NR2E1: variants seen among roughly 807,000 people sequenced by gnomAD.
The protein encoded by NR2E1 is nuclear receptor subfamily 2 group E member 1.
Under a neutral mutation model 43.6 loss-of-function variants are expected in NR2E1, and 5 were observed. The observed-to-expected ratio is 0.11, with a 90% confidence interval of 0.06 to 0.24. The LOEUF (loss-of-function observed/expected upper bound fraction) is 0.24, where lower values mean the gene tolerates loss of function less well. NR2E1 is among the 10% of genes least tolerant of loss of function. NR2E1 has a pLI of 1.00. For synonymous variants in NR2E1, 191 were observed against 195.5 expected (o/e 0.98, Z 0.19); for missense variants, 287 against 496.7 (o/e 0.58, Z 4.01).
chr6:108,173,243 T>C (rs925274639), intron 2 of NR2E1, among the ~76,000 whole-genome samples: 4 of 152,180 alleles, frequency 2.6e-5, no homozygotes, highest in African/African-American at 9.7e-5. Context: ...ACTTAAGAAC[T>C]TATGAAGGTT....
chr6:108,174,744 G>T (rs570604540), intron 2 of NR2E1, 92 bp from the exon 3 acceptor site: 17 of 1,052,196 alleles, frequency 1.6e-5, no homozygotes, highest in Non-Finnish European at 2.5e-5. Flanking sequence ...GGGCAAGGTC[G>T]CGCCTCCACA....
chr6:108,180,966 C>T lies in NR2E1; in HGVS notation c.889+10C>T. Reference sequence around the variant, plus strand: ...GTCACTTTCAAAGCCGGTAAGCAGACACAGACCCCTGTTTCTTCTCCTTCC... The same window carrying T: ...GTCACTTTCAAAGCCGGTAAGCAGATACAGACCCCTGTTTCTTCTCCTTCC... On this transcript the variant is annotated intron_variant, in intron 7 of 8. Transcript: ENST00000368986. The surrounding 1 kb of genome is among the most constrained non-coding windows in gnomAD (Gnocchi z 5.4). 2 of 1,613,956 alleles carry T rather than the reference C, an allele frequency of 1.2e-6. No homozygotes were observed. The highest frequency in any genetic ancestry group is 1.6e-4 in the Middle Eastern group (1 of 6,062).
chr6:108,174,553 G>A (rs1028726524), intron 2 of NR2E1, among the ~76,000 whole-genome samples: 1 of 151,994 alleles, frequency 6.6e-6, no homozygotes, highest in Non-Finnish European at 1.5e-5. Flanking sequence ...TGCCAAACCC[G>A]GCTCTCTAAG....
intron 4 of NR2E1, 96 bp downstream of exon 4, chr6:108,176,834 T>G (rs1383768867): frequency 1.6e-6 from 2 of 1,215,034 alleles, no homozygotes. Flanking sequence ...TCAGGCAAAC[T>G]GGGGAGAGAA....
intron 8 of NR2E1, among the ~76,000 whole-genome samples, chr6:108,183,273 C>T (rs1235081208): frequency 6.6e-6 from 1 of 150,978 alleles, no homozygotes; most frequent in East Asian, 2.0e-4. Flanking sequence ...CCAAGGCAGG[C>T]AGTTCACTTG....
At chr6:108,187,186 G>GTTA (rs1423734454) in intron 8 of NR2E1, 115 bp from the exon 9 acceptor site, 20 of 1,230,076 alleles carry the variant, frequency 1.6e-5, no homozygotes, top group Middle Eastern at 1.9e-4. Flanking sequence ...GGGATACTGT[G>GTTA]TTATTCAAGA....
chr6:108,168,506 G>A (rs994485307), intron 1 of NR2E1, among the ~76,000 whole-genome samples: 4 of 152,252 alleles, frequency 2.6e-5, no homozygotes, highest in Non-Finnish European at 4.4e-5. Context: ...GACTTTGGGG[G>A]AAAAACCACA....
chr6:108,176,828 G>A, intron 4 of NR2E1, 90 bp downstream of exon 4: 3 of 1,262,984 alleles, frequency 2.4e-6, no homozygotes, highest in Middle Eastern at 2.6e-4. Flanking sequence ...TTGGGGTCAG[G>A]CAAACTGGGG....
chr6:108,188,551 A>ACACACACC lies in NR2E1; in HGVS notation c.*1089_*1090insACACACCC, dbSNP rs1260531260. On this transcript the variant is annotated 3_prime_UTR_variant, in exon 9 of 9. Transcript: ENST00000368986. ...CACACACACACACACACACACACAC[A>ACACACACC]CCGTCCTACACTTTAAGCTGCTCCT... 5.5e-5 allele frequency: 8 copies of ACACACACC among 145,490 alleles called. No homozygotes were observed. The highest frequency in any genetic ancestry group is 2.3e-4 in the South Asian group (1 of 4,390). 9.0% of individuals were successfully genotyped at this position (145,490 alleles called of 1,614,324 possible). A position where few individuals can be genotyped will look rare whatever the true frequency, so the allele number is the denominator to read the frequency against.
intron 3 of NR2E1, 153 bp from the exon 4 acceptor site, chr6:108,176,350 C>T (rs1773896708): frequency 1.5e-6 from 1 of 664,440 alleles, no homozygotes. Context: ...GAATCCCTTC[C>T]TCCCTCAGAT....
In NR2E1 at chr6:108,176,590, C is replaced by T. The variant is rs141827562; in HGVS notation, c.347C>T (p.Ala116Val). ...CGTGGACACAAGGAGGAGAACGGGG[C>T]CGCCGCGCACTTTCCCTCGGCGGCG... ...YFRGHKEENG[A>V]AAHFPSAALP... Residue 116 changes from alanine (A) to valine (V), a missense_variant, in exon 4 of 9, where the codon GCC (alanine) becomes GTC (valine). Ala to Val is a moderately conservative substitution (Grantham distance 64). Transcript: ENST00000368986. 2 of 1,612,730 alleles carry T rather than the reference C, an allele frequency of 1.2e-6. No individual in the cohort carries two copies. The highest frequency in any genetic ancestry group is 1.7e-5 in the Admixed American group (1 of 59,994).
chr6:108,170,009 G>A (rs1246932762), intron 1 of NR2E1, among the ~76,000 whole-genome samples: 5 of 130,246 alleles, frequency 3.8e-5, no homozygotes, highest in Non-Finnish European at 6.2e-5. Context: ...CACCTGAGAC[G>A]AGTCTGGGAC....
chr6:108,166,813 T>C lies in NR2E1; in HGVS notation c.25+23T>C. The stretch of plus-strand genomic sequence containing the variant: ...CAAGTGGGTACCTCTCGGGCCGCCG[T>C]GGGGCCTAGGCGCGCAGCCTGGGGC... On this transcript the variant is annotated intron_variant, in intron 1 of 8. Transcript: ENST00000368986. The surrounding 1 kb of genome is among the most constrained non-coding windows in gnomAD (Gnocchi z 7.2). 6.3e-7 allele frequency: 1 copy of C among 1,587,586 alleles called. No homozygotes were observed.
chr6:108,184,723 C>T (rs959200756), intron 8 of NR2E1, among the ~76,000 whole-genome samples: 1 of 151,846 alleles, frequency 6.6e-6, no homozygotes, highest in South Asian at 2.1e-4. Context: ...TAGGGTGGCC[C>T]GAGAGAATTC....
intron 2 of NR2E1, among the ~76,000 whole-genome samples, chr6:108,171,995 A>G (rs1773819750): frequency 6.6e-6 from 1 of 152,130 alleles, no homozygotes. Flanking sequence ...GTGCCTGCCC[A>G]CCCCACACTC....
chr6:108,167,467 G>C (rs1475044668), intron 1 of NR2E1, among the ~76,000 whole-genome samples: 2 of 152,158 alleles, frequency 1.3e-5, no homozygotes, highest in African/African-American at 4.8e-5. Flanking sequence ...AACTTCCTTA[G>C]CTGCCGGCTC....
rs1305409418 is a variant in NR2E1, at chr6:108,166,824, C to G, written c.25+34C>G. The G allele has an allele frequency of 6.3e-7, 1 of 1,582,710 alleles. No homozygotes were observed. Among genetic ancestry groups the G allele is most frequent in the Admixed American group, 1.8e-5 (1 of 55,306 alleles). ...CTCTCGGGCCGCCGTGGGGCCTAGG[C>G]GCGCAGCCTGGGGCGAGCGAGCGGG... On this transcript the variant is annotated intron_variant, in intron 1 of 8. Coordinates refer to ENST00000368986, the MANE Select transcript of NR2E1 (RefSeq NM_003269.5). The surrounding 1 kb of genome is among the most constrained non-coding windows in gnomAD (Gnocchi z 7.2).
chr6:108,168,240 G>A, intron 1 of NR2E1: 3 of 1,418,356 alleles, frequency 2.1e-6, no homozygotes, highest in East Asian at 2.5e-5. Context: ...GGCCGTTTCT[G>A]TTGCATTCTG....
chr6:108,179,318 C>A (rs1222302605), intron 5 of NR2E1: 8 of 152,058 alleles, frequency 5.3e-5, no homozygotes, highest in African/African-American at 1.4e-4. Flanking sequence ...AAAAATTAAA[C>A]CCTTTGGTCT....
Sources: allele counts gnomAD v4.1 joint callset (sites outside exome capture counted in the v4.1 genomes callset), GRCh38; gene constraint gnomAD v4.1.1; non-coding constraint Gnocchi (gnomAD v3.1); transcripts MANE v1.5; gene names NCBI Gene and HGNC (gene_info 2026-07-23, HGNC 2026-07-21).